The following NOL4 variants were observed in gnomAD, a reference collection of about 807,000 sequenced individuals.
NOL4 encodes cancer/testis antigen 125.
NOL4 carries 17 observed loss-of-function variants against 75.9 expected under a neutral mutation model. The observed-to-expected ratio is 0.22, with a 90% CI of 0.15 to 0.34. The LOEUF is 0.34. NOL4 is among the 10% of genes least tolerant of loss of function. The probability of loss-of-function intolerance (pLI) is 1.00; values close to 1 mark genes in which losing one functional copy is unlikely to be tolerated. For synonymous variants in NOL4, 292 were observed against 289.9 expected, an observed-to-expected ratio of 1.01 and a Z score of -0.07; for missense variants, 614 against 793.5, an observed-to-expected ratio of 0.77 and a Z score of 2.72.
intron 8 of NOL4, among the ~76,000 whole-genome samples, chr18:33,946,861 C>T (rs1484116082): frequency 6.6e-6 from 1 of 151,560 alleles, no homozygotes; most frequent in Non-Finnish European, 1.5e-5. Flanking sequence ...TTTATACAGC[C>T]AGAAGTGTCA....
intron 5 of NOL4, among the ~76,000 whole-genome samples, chr18:34,031,236 G>C (rs2075625304): frequency 6.6e-6 from 1 of 152,170 alleles, no homozygotes; most frequent in Non-Finnish European, 1.5e-5. Flanking sequence ...ATCTAGCGCA[G>C]TGCTAGTCCC....
chr18:34,075,035 C>T (rs1281345532), intron 5 of NOL4, among the ~76,000 whole-genome samples: 2 of 152,114 alleles, frequency 1.3e-5, no homozygotes, highest in African/African-American at 2.4e-5. Context: ...ACAATTGTCT[C>T]CTCAATCATA....
chr18:34,217,644 T>C (rs1325223161), intron 1 of NOL4, among the ~76,000 whole-genome samples: 6 of 152,156 alleles, frequency 3.9e-5, no homozygotes, highest in Non-Finnish European at 7.3e-5. Context: ...TACCTAATTA[T>C]AATTACATCG....
At chr18:34,113,646 A>T (rs1351236316) in intron 2 of NOL4, among the ~76,000 whole-genome samples, 1 of 152,164 alleles carries the variant, frequency 6.6e-6, no homozygotes, top group Non-Finnish European at 1.5e-5. Context: ...CTTAAAAAAA[A>T]AAAATTAAAA....
intron 1 of NOL4, among the ~76,000 whole-genome samples, chr18:34,169,778 CA>C (rs955719352): frequency 2.6e-5 from 4 of 151,920 alleles, no homozygotes; most frequent in Non-Finnish European, 5.9e-5. Flanking sequence ...CTCAATAACA[CA>C]AAAAAACACA....
At chr18:33,958,121 T>A in intron 7 of NOL4, 118 bp downstream of exon 7, 2 of 1,006,652 alleles carry the variant, frequency 2.0e-6, no homozygotes, top group East Asian at 2.4e-5. Flanking sequence ...ATGTACTTTT[T>A]AAATCCTTCT....
intron 9 of NOL4, among the ~76,000 whole-genome samples, chr18:33,889,681 T>C (rs1318647956): frequency 6.6e-6 from 1 of 152,136 alleles, no homozygotes; most frequent in Non-Finnish European, 1.5e-5. Flanking sequence ...TCAAAAAGTT[T>C]ATCCACCACA....
intron 10 of NOL4, among the ~76,000 whole-genome samples, chr18:33,866,474 TA>T (rs2144394051): frequency 6.6e-6 from 1 of 152,282 alleles, no homozygotes; most frequent in Non-Finnish European, 1.5e-5. Context: ...ACATTAATTT[TA>T]AAGAGAAGCA....
intron 1 of NOL4, among the ~76,000 whole-genome samples, chr18:34,203,735 A>ACACACACC: frequency 1.3e-5 from 2 of 149,522 alleles, no homozygotes; most frequent in Admixed American, 6.7e-5. Context: ...ACACACACAC[A>ACACACACC]CACACACACA....
intron 9 of NOL4, among the ~76,000 whole-genome samples, chr18:33,934,800 C>A (rs530108923): frequency 2.2e-4 from 33 of 150,982 alleles, no homozygotes; most frequent in Admixed American, 1.7e-3. Flanking sequence ...TGAAAACTTT[C>A]TCCATAACAG....
chr18:34,171,350 A>G (rs2033020623), intron 1 of NOL4, among the ~76,000 whole-genome samples: 1 of 152,174 alleles, frequency 6.6e-6, no homozygotes, highest in African/African-American at 2.4e-5. Context: ...CACTTTGTAT[A>G]ACCATTTGAT....
chr18:33,925,544 T>C (rs2067274368), intron 9 of NOL4, among the ~76,000 whole-genome samples: 1 of 152,162 alleles, frequency 6.6e-6, no homozygotes, highest in Non-Finnish European at 1.5e-5. Context: ...TAATTAATGA[T>C]ATAAAAATGC....
intron 5 of NOL4, among the ~76,000 whole-genome samples, chr18:34,093,059 CTT>C (rs1375150912): frequency 6.6e-6 from 1 of 152,068 alleles, no homozygotes; most frequent in African/African-American, 2.4e-5. Context: ...TGAAACTTGT[CTT>C]TTACATAAAA....
intron 5 of NOL4, among the ~76,000 whole-genome samples, chr18:34,091,417 C>T (rs2078518509): frequency 6.6e-6 from 1 of 151,792 alleles, no homozygotes; most frequent in South Asian, 2.1e-4. Flanking sequence ...AAGGAGTTTG[C>T]CCCTCTTTGG....
intron 1 of NOL4, among the ~76,000 whole-genome samples, chr18:34,137,548 G>A (rs1004102035): frequency 2.0e-5 from 3 of 152,106 alleles, no homozygotes; most frequent in Middle Eastern, 3.4e-3. Flanking sequence ...AATATAATTC[G>A]TGATTAGATA....
intron 1 of NOL4, among the ~76,000 whole-genome samples, chr18:34,219,263 G>A (rs2037130909): frequency 6.6e-6 from 1 of 152,260 alleles, no homozygotes; most frequent in African/African-American, 2.4e-5. Context: ...TACAAATATA[G>A]GTTAAGAAAA....
At chr18:33,859,316 A>G (rs1358354853) in intron 10 of NOL4, among the ~76,000 whole-genome samples, 1 of 152,138 alleles carries the variant, frequency 6.6e-6, no homozygotes, top group Non-Finnish European at 1.5e-5. Flanking sequence ...CTGTATGTTA[A>G]TGATTATTTG....
At chr18:34,004,865 A>G (rs1341621519) in intron 6 of NOL4, among the ~76,000 whole-genome samples, 1 of 152,008 alleles carries the variant, frequency 6.6e-6, no homozygotes, top group East Asian at 1.9e-4. Flanking sequence ...TACTTTCAAT[A>G]TTACTTTATT....
At chr18:34,145,704 A>G (rs2081369491) in intron 1 of NOL4, among the ~76,000 whole-genome samples, 1 of 152,000 alleles carries the variant, frequency 6.6e-6, no homozygotes, top group Non-Finnish European at 1.5e-5. Flanking sequence ...AAACAACAGT[A>G]CTAAGTAACA....
Sources: gnomAD v4.1 joint callset for allele counts (sites outside exome capture counted in the v4.1 genomes callset) on GRCh38, gnomAD v4.1.1 for gene constraint, MANE v1.5 for transcripts, NCBI Gene and HGNC (gene_info 2026-07-23, HGNC 2026-07-21) for gene names.